The following MYO5B variants were observed in gnomAD, a reference collection of about 807,000 sequenced individuals.
MYO5B encodes unconventional myosin-Vb.
MYO5B carries 143 observed loss-of-function variants against 229.3 expected under a neutral mutation model. The ratio of observed to expected loss-of-function variants is 0.62; its 90% CI spans 0.54 to 0.72. The LOEUF is 0.72. Ranked by LOEUF, MYO5B falls within the 30% of genes least tolerant of loss-of-function variation. MYO5B has a pLI of 0.00. For missense variants in MYO5B, 2,321 were observed against 2,331.0 expected (o/e 1.00, Z 0.09); for synonymous variants, 918 against 885.2 (o/e 1.04, Z -0.66).
intron 4 of MYO5B, among the ~76,000 whole-genome samples, chr18:50,011,610 G>T (rs2026161654): frequency 6.6e-6 from 1 of 152,014 alleles, no homozygotes; most frequent in Non-Finnish European, 1.5e-5. Flanking sequence ...TCTGGGAACT[G>T]CCCGTGACAC....
chr18:49,877,705 GAA>G, intron 25 of MYO5B, 56 bp downstream of exon 25: 5 of 1,610,814 alleles, frequency 3.1e-6, no homozygotes, highest in Non-Finnish European at 4.2e-6. Context: ...GTTCCACACA[GAA>G]AAAAACACAC....
intron 1 of MYO5B, among the ~76,000 whole-genome samples, chr18:50,194,348 T>G (rs976922575): frequency 6.6e-6 from 1 of 151,618 alleles, no homozygotes; most frequent in Non-Finnish European, 1.5e-5. Flanking sequence ...TGGGGTGGGG[T>G]CCACGGCGGG....
At position 49,837,760 on chromosome 18, in the gene MYO5B, C is replaced by A; in HGVS notation, c.4895G>T (p.Gly1632Val). The A allele has an allele frequency of 6.2e-7, 1 of 1,614,104 alleles. No homozygotes were observed. Among genetic ancestry groups the A allele is most frequent in the Non-Finnish European group, 8.5e-7 (1 of 1,180,024 alleles). Residue 1632 changes from glycine to valine, a missense_variant, in exon 37 of 40, where the codon GGT becomes GTT. By Grantham distance (109) the Gly-to-Val change is moderately radical (BLOSUM62 -3). Coordinates refer to ENST00000285039, the MANE Select transcript of MYO5B (RefSeq NM_001080467.3). ...LENESIQGLSGVKPTGYRKRS... is the reference protein window; with the variant it reads ...LENESIQGLSVVKPTGYRKRS... ...CTTCCGGTAGCCGGTGGGCTTCACA[C>A]CAGATAGACCCTGAATGCTCTCATT...
intron 12 of MYO5B, among the ~76,000 whole-genome samples, chr18:49,959,061 C>T (rs940166726): frequency 6.6e-6 from 1 of 152,140 alleles, no homozygotes; most frequent in Non-Finnish European, 1.5e-5. Context: ...ACCTTACCTG[C>T]CCCCACCAGG....
At chr18:49,954,628 C>G (rs1206893723) in intron 12 of MYO5B, among the ~76,000 whole-genome samples, 193 bp from the exon 13 acceptor site, 1 of 152,174 alleles carries the variant, frequency 6.6e-6, no homozygotes, top group Non-Finnish European at 1.5e-5. Context: ...GTGCCCTCAT[C>G]CCATGTGGGC....
At chr18:50,113,387 T>C (rs1483334480) in intron 1 of MYO5B, among the ~76,000 whole-genome samples, 8 of 152,222 alleles carry the variant, frequency 5.3e-5, no homozygotes, top group Admixed American at 6.5e-5. Context: ...CCAGTTGCAC[T>C]GTAGGGCTCA....
chr18:49,906,634 T>C lies in MYO5B; in HGVS notation c.2203-4A>G, dbSNP rs561952683. 2.9e-5 allele frequency: 47 copies of C among 1,612,714 alleles called. No homozygotes were observed. In the South Asian group the frequency reaches 4.5e-4, roughly 15 times the overall value. On this transcript the variant is annotated splice_polypyrimidine_tract_variant and splice_region_variant and intron_variant, in intron 18 of 39. Coordinates refer to ENST00000285039, the MANE Select transcript of MYO5B (RefSeq NM_001080467.3). ...CAAACTGGAACTTGTCGGGGTCCTT[T>C]ACAAGGTAGGGAGGGGATCTGGTTG...
At chr18:49,955,400 GCA>G (rs1337929462) in intron 12 of MYO5B, among the ~76,000 whole-genome samples, 2 of 152,208 alleles carry the variant, frequency 1.3e-5, no homozygotes, top group African/African-American at 4.8e-5. Context: ...GGTCATCGCT[GCA>G]CACACTTACT....
intron 32 of MYO5B, among the ~76,000 whole-genome samples, chr18:49,847,859 T>G (rs983516834): frequency 1.3e-5 from 2 of 152,162 alleles, no homozygotes; most frequent in African/African-American, 4.8e-5. Flanking sequence ...GTGATGGTGA[T>G]AGTAAGGACA....
intron 39 of MYO5B, among the ~76,000 whole-genome samples, chr18:49,829,221 G>C (rs1396042823): frequency 1.3e-5 from 2 of 151,852 alleles, no homozygotes; most frequent in Non-Finnish European, 2.9e-5. Context: ...TGGGATTACA[G>C]GTGTGTGGGA....
chr18:49,971,038 C>T (rs940436242), intron 10 of MYO5B: 2 of 152,246 alleles, frequency 1.3e-5, no homozygotes, highest in African/African-American at 4.8e-5. Context: ...TCAGGCATCC[C>T]CACACCCCCA....
intron 29 of MYO5B, among the ~76,000 whole-genome samples, chr18:49,862,182 G>C (rs1359288786): frequency 2.0e-5 from 3 of 152,002 alleles, no homozygotes; most frequent in Non-Finnish European, 4.4e-5. Flanking sequence ...ATTTTTAGTA[G>C]AGACAGGGTT....
intron 10 of MYO5B, among the ~76,000 whole-genome samples, chr18:49,973,698 A>T (rs1207670662): frequency 6.6e-6 from 1 of 152,206 alleles, no homozygotes; most frequent in Non-Finnish European, 1.5e-5. Context: ...AGGGTCTGCT[A>T]TCTGTGGAGA....
intron 1 of MYO5B, among the ~76,000 whole-genome samples, chr18:50,072,287 A>C (rs1384174201): frequency 6.6e-6 from 1 of 152,200 alleles, no homozygotes; most frequent in Non-Finnish European, 1.5e-5. Flanking sequence ...GAGGACACAG[A>C]CAATAGGCCA....
Position 49,990,475 on chromosome 18 carries a change from C to A in MYO5B, c.802G>T (p.Ala268Ser), listed in dbSNP as rs757208688. ...TCTTTAAATTCTGGAAGACCGGCAGCAGCACAGAGCTGGTAAAAGATGTGG... is the reference window on the plus strand; with the variant it reads ...TCTTTAAATTCTGGAAGACCGGCAGAAGCACAGAGCTGGTAAAAGATGTGG... ...NYHIFYQLCA[A>S]AGLPEFKELA... Residue 268 changes from alanine (A) to serine (S), a missense_variant, in exon 7 of 40, where the codon GCT (alanine) becomes TCT (serine). Physicochemically the swap from Ala to Ser is moderately conservative, Grantham distance 99 (BLOSUM62 1). Around this residue, in one of 2 missense-constraint regions of MYO5B, gnomAD observed 2,113 missense variants for 2,044.7 expected, o/e 1.03. Coordinates refer to ENST00000285039, the MANE Select transcript of MYO5B (RefSeq NM_001080467.3). 8 of 1,613,802 alleles carry A rather than the reference C, an allele frequency of 5.0e-6. No homozygotes were observed. In the African/African-American group the frequency reaches 9.3e-5, roughly 19 times the overall value.
intron 3 of MYO5B, 141 bp downstream of exon 3, chr18:50,040,002 T>G: frequency 1.1e-6 from 1 of 949,166 alleles, no homozygotes; most frequent in East Asian, 2.4e-5. Context: ...ATTCACTGAT[T>G]GCAAACCTTT....
chr18:49,871,982 A>T (rs1422608484), intron 27 of MYO5B, among the ~76,000 whole-genome samples, 185 bp downstream of exon 27: 1 of 152,208 alleles, frequency 6.6e-6, no homozygotes, highest in Non-Finnish European at 1.5e-5. Context: ...TCATTCCTGT[A>T]GTAGATACAA....
At chr18:50,180,898 TCATTCATC>T (rs963094701) in intron 1 of MYO5B, among the ~76,000 whole-genome samples, 1 of 152,230 alleles carries the variant, frequency 6.6e-6, no homozygotes, top group Non-Finnish European at 1.5e-5. Context: ...AGACCACATC[TCATTCATC>T]CATTCATCAT....
intron 29 of MYO5B, among the ~76,000 whole-genome samples, chr18:49,862,636 ACAAT>A (rs1368360382): frequency 2.0e-5 from 3 of 152,146 alleles, no homozygotes; most frequent in Admixed American, 6.5e-5. Flanking sequence ...CTGCCCTCAG[ACAAT>A]CACTCTTGCT....
Sources: allele counts gnomAD v4.1 joint callset (sites outside exome capture counted in the v4.1 genomes callset), GRCh38; gene constraint gnomAD v4.1.1; regional missense constraint gnomAD v4.1.1; transcripts MANE v1.5; gene names NCBI Gene and HGNC (gene_info 2026-07-23, HGNC 2026-07-21).